The following DOK6 variants were observed in gnomAD, a reference collection of about 807,000 sequenced individuals.
DOK6 encodes downstream of tyrosine kinase 6.
A neutral mutation model predicts 44.0 loss-of-function variants in DOK6; 22 were observed. The ratio of observed to expected loss-of-function variants is 0.50; its 90% CI spans 0.36 to 0.71. DOK6 has a LOEUF of 0.71. Ranked by LOEUF, DOK6 falls within the 30% of genes least tolerant of loss-of-function variation. DOK6 has a pLI of 0.00. For synonymous variants in DOK6, 166 were observed against 145.5 expected (o/e 1.14, Z -1.01); for missense variants, 340 against 416.4 (o/e 0.82, Z 1.60).
chr18:69,793,619 G>A (rs749205911), intron 7 of DOK6, among the ~76,000 whole-genome samples: 1 of 152,080 alleles, frequency 6.6e-6, no homozygotes, highest in Non-Finnish European at 1.5e-5. Flanking sequence ...TGAGGAAAGG[G>A]TTCAATGTAA....
chr18:69,537,473 C>T (rs1982155448), intron 1 of DOK6, among the ~76,000 whole-genome samples: 1 of 152,214 alleles, frequency 6.6e-6, no homozygotes. Flanking sequence ...GGAATCCTTT[C>T]ATTCTCATAT....
In DOK6 at chr18:69,846,866, A is replaced by AAAAAT. The variant is rs1982355614; in HGVS notation, c.*5484_*5485insAAATA. 2 of 152,176 alleles carry AAAAAT rather than the reference A, an allele frequency of 1.3e-5. No individual in the cohort carries two copies. The highest frequency in any genetic ancestry group is 4.1e-4 in the South Asian group (2 of 4,828). The allele number at this position is 152,176 out of a possible 1,614,324, so 9.4% of individuals were successfully genotyped here. A position where few individuals can be genotyped will look rare whatever the true frequency, so the allele number is the denominator to read the frequency against. Reference sequence around the variant, plus strand: ...TTCCATTATCAACAAGAATTGGGGAAATGACTTTTTTACATTATAATACCT... The same window carrying AAAAAT: ...TTCCATTATCAACAAGAATTGGGGAAAAAATATGACTTTTTTACATTATAATACCT... On this transcript the variant is annotated 3_prime_UTR_variant, in exon 8 of 8. Transcript: ENST00000382713.
At chr18:69,836,980 A>C (rs1248454460) in intron 7 of DOK6, among the ~76,000 whole-genome samples, 2 of 152,212 alleles carry the variant, frequency 1.3e-5, no homozygotes, top group Non-Finnish European at 1.5e-5. Flanking sequence ...ATATGTATTA[A>C]ATAGCATCAT....
chr18:69,769,526 TA>T (rs972676766), intron 7 of DOK6, among the ~76,000 whole-genome samples: 3 of 152,136 alleles, frequency 2.0e-5, no homozygotes, highest in African/African-American at 7.2e-5. Flanking sequence ...TAAAATATTT[TA>T]AAAATTGTCC....
At chr18:69,727,502 C>A (rs906156093) in intron 5 of DOK6, among the ~76,000 whole-genome samples, 2 of 152,158 alleles carry the variant, frequency 1.3e-5, no homozygotes, top group Admixed American at 1.3e-4. Context: ...TCCATACCCC[C>A]AAGTGATTGT....
chr18:69,702,491 G>A lies in DOK6; in HGVS notation c.599+3898G>A, dbSNP rs115515440. Among the ~76,000 whole-genome samples the A allele has an allele frequency of 3.7e-3, 560 of 152,258 alleles. 6 individuals are homozygous for A. Among genetic ancestry groups the A allele is most frequent in the African/African-American group, 0.013 (543 of 41,526 alleles). ...AGGAAATCCTGAGCCTGTACACACA[G>A]GCAACAGCAGCCACATCACTACCAC... On this transcript the variant is annotated intron_variant, in intron 5 of 7. Coordinates refer to ENST00000382713, the MANE Select transcript of DOK6 (RefSeq NM_152721.6).
chr18:69,800,637 T>C (rs999581127), intron 7 of DOK6, among the ~76,000 whole-genome samples: 1 of 152,186 alleles, frequency 6.6e-6, no homozygotes, highest in African/African-American at 2.4e-5. Flanking sequence ...TAGATTGTTT[T>C]TCTTATTTAT....
chr18:69,768,948 G>GGTGT (rs1341229658), intron 7 of DOK6, among the ~76,000 whole-genome samples: 2,912 of 37,682 alleles, frequency 0.077, 100 homozygotes, highest in African/African-American at 0.13. Context: ...AGATTTGAAG[G>GGTGT]GTGTGCGTGT....
chr18:69,773,426 A>C (rs1244551770), intron 7 of DOK6, among the ~76,000 whole-genome samples: 2 of 152,030 alleles, frequency 1.3e-5, no homozygotes, highest in African/African-American at 2.4e-5. Flanking sequence ...AATAGCCAAG[A>C]TATGGAAACA....
At chr18:69,439,434 G>C (rs1979076270) in intron 1 of DOK6, among the ~76,000 whole-genome samples, 1 of 152,190 alleles carries the variant, frequency 6.6e-6, no homozygotes, top group Non-Finnish European at 1.5e-5. Flanking sequence ...CTCCTTTCTA[G>C]ATATGAAAGT....
intron 7 of DOK6, among the ~76,000 whole-genome samples, chr18:69,771,659 C>A (rs1291104966): frequency 1.3e-5 from 2 of 151,830 alleles, no homozygotes; most frequent in East Asian, 1.9e-4. Flanking sequence ...TGTACATTAG[C>A]ATCTTATTTT....
chr18:69,490,590 A>G (rs1414741556), intron 1 of DOK6, among the ~76,000 whole-genome samples: 1 of 152,146 alleles, frequency 6.6e-6, no homozygotes, highest in African/African-American at 2.4e-5. Flanking sequence ...AATACAAACT[A>G]TTCACTTAAA....
intron 2 of DOK6, among the ~76,000 whole-genome samples, chr18:69,591,280 A>C (rs1983616285): frequency 6.6e-6 from 1 of 152,142 alleles, no homozygotes; most frequent in East Asian, 1.9e-4. Flanking sequence ...GTATACTGAT[A>C]TGGGATGGCT....
Position 69,435,025 on chromosome 18 carries a change from G to GGGAGGGAAGGAAGGACGGAA in DOK6, c.66+33718_66+33719insGGGAAGGAAGGACGGAAGGA, listed in dbSNP as rs1978926067. Among the ~76,000 whole-genome samples the GGGAGGGAAGGAAGGACGGAA allele has an allele frequency of 2.8e-3, 202 of 72,332 alleles. 7 individuals are homozygous for GGGAGGGAAGGAAGGACGGAA. Among genetic ancestry groups the GGGAGGGAAGGAAGGACGGAA allele is most frequent in the African/African-American group, 9.7e-3 (188 of 19,432 alleles). The allele number at this position is 72,332 out of a possible 152,430, so 47.5% of individuals were successfully genotyped here. On this transcript the variant is annotated intron_variant, in intron 1 of 7. Transcript: ENST00000382713. ...GAAGAAAGATTAGTGTAGGGAGGGA[G>GGGAGGGAAGGAAGGACGGAA]GGAAGGAAGGAAGGAAGGAAGGAAG...
intron 5 of DOK6, among the ~76,000 whole-genome samples, chr18:69,709,437 G>T (rs1986708925): frequency 6.6e-6 from 1 of 152,034 alleles, no homozygotes; most frequent in African/African-American, 2.4e-5. Flanking sequence ...GTTGATAGAT[G>T]TGGATTCAAG....
intron 4 of DOK6, among the ~76,000 whole-genome samples, chr18:69,681,277 C>G (rs1471602334): frequency 6.6e-6 from 1 of 152,168 alleles, no homozygotes; most frequent in Admixed American, 6.5e-5. Flanking sequence ...GTCTTTACCA[C>G]AGCAATTTTT....
intron 1 of DOK6, among the ~76,000 whole-genome samples, chr18:69,528,045 C>T (rs867531849): frequency 7.9e-5 from 12 of 151,774 alleles, no homozygotes; most frequent in Non-Finnish European, 1.5e-5. Context: ...TGCCTGTAGT[C>T]CCAGCTACTC....
chr18:69,532,460 G>T (rs1246711379), intron 1 of DOK6, among the ~76,000 whole-genome samples: 1 of 152,186 alleles, frequency 6.6e-6, no homozygotes, highest in African/African-American at 2.4e-5. Flanking sequence ...GCAGGTCAGA[G>T]TGTACTTACC....
intron 1 of DOK6, among the ~76,000 whole-genome samples, chr18:69,562,784 GC>G (rs1982869382): frequency 6.6e-6 from 1 of 152,112 alleles, no homozygotes; most frequent in Non-Finnish European, 1.5e-5. Context: ...GGCAACAAAA[GC>G]CAAAATTGAC....
Sources: allele counts gnomAD v4.1 joint callset (sites outside exome capture counted in the v4.1 genomes callset), GRCh38; gene constraint gnomAD v4.1.1; transcripts MANE v1.5; gene names NCBI Gene and HGNC (gene_info 2026-07-23, HGNC 2026-07-21).